The following POLA2 variants were observed in gnomAD, a reference collection of about 807,000 sequenced individuals.
POLA2 encodes DNA polymerase alpha subunit B.
POLA2 carries 47 observed loss-of-function variants against 82.8 expected under a neutral mutation model. The observed-to-expected ratio is 0.57, with a 90% CI of 0.45 to 0.72. The LOEUF (loss-of-function observed/expected upper bound fraction) is 0.72. POLA2 is among the 30% of genes least tolerant of loss of function. POLA2 has a pLI of 0.00. For missense variants in POLA2, 634 were observed against 728.1 expected, an observed-to-expected ratio of 0.87 and a Z score of 1.49; for synonymous variants, 287 against 286.8, an observed-to-expected ratio of 1.00 and a Z score of -0.01.
At position 65,274,758 on chromosome 11, in the gene POLA2, A is replaced by G. The variant is rs1225279880; in HGVS notation, c.355-1134A>G. On this transcript the variant is annotated intron_variant, in intron 4 of 17. Coordinates refer to ENST00000265465, the MANE Select transcript of POLA2 (RefSeq NM_002689.4). Reference sequence around the variant, plus strand: ...AGAGTGAAAAAATTCAGCACATAAAATACTTAGGTTTATATTTAAACTAAG... The same window carrying G: ...AGAGTGAAAAAATTCAGCACATAAAGTACTTAGGTTTATATTTAAACTAAG... Among the ~76,000 whole-genome samples the G allele has an allele frequency of 2.6e-5, 4 of 152,280 alleles. No homozygotes were observed. In the East Asian group the frequency reaches 7.7e-4, roughly 29 times the overall value.
Position 65,294,157 on chromosome 11 carries a change from G to A in POLA2, c.1249G>A (p.Gly417Ser), listed in dbSNP as rs976715615. The change falls in exon 14 of 18, where the codon GGC becomes AGC. Residue 417 changes from glycine (G) to serine (S), a missense_variant. Transcript: ENST00000265465. Reference protein sequence around the residue: ...RTIIEGTRSSGSHLVFVPSLR... With the variant: ...RTIIEGTRSSSSHLVFVPSLR... ...TTTGTTCTTTTGCCATACTAGCTCCGGCTCCCACCTTGTCTTTGTCCCGTC... is the reference window on the plus strand; with the variant it reads ...TTTGTTCTTTTGCCATACTAGCTCCAGCTCCCACCTTGTCTTTGTCCCGTC... The A allele has an allele frequency of 1.1e-5, 18 of 1,611,690 alleles. No individual in the cohort carries two copies. The Admixed American group carries it at 1.7e-4, about 15-fold the overall frequency.
At chr11:65,268,970 C>T (rs1949492506) in intron 4 of POLA2, among the ~76,000 whole-genome samples, 2 of 152,238 alleles carry the variant, frequency 1.3e-5, no homozygotes, top group South Asian at 2.1e-4. Context: ...CATAATTTCT[C>T]CATAATTGCC....
At chr11:65,276,767 C>T (rs1199080355) in intron 5 of POLA2, among the ~76,000 whole-genome samples, 1 of 151,106 alleles carries the variant, frequency 6.6e-6, no homozygotes, top group African/African-American at 2.4e-5. Flanking sequence ...TGAACCAGAG[C>T]TTAAGATTGT....
Position 65,284,618 on chromosome 11 carries a change from C to G in POLA2, c.1006+2097C>G, listed in dbSNP as rs965456320. On this transcript the variant is annotated intron_variant, in intron 10 of 17. Transcript: ENST00000265465. ...TCGGCTCACCGCAACCTCCACCTCC[C>G]GGGTTCAAGCGATTCTCCTGCCTTA... is the stretch of plus-strand genomic sequence containing the variant. 4.0e-5 allele frequency among the ~76,000 whole-genome samples: 6 copies of G among 151,898 alleles called. No individual in the cohort carries two copies. In the South Asian group the frequency reaches 1.0e-3, roughly 26 times the overall value.
chr11:65,283,374 A>G (rs962944056), intron 10 of POLA2, among the ~76,000 whole-genome samples: 4 of 152,204 alleles, frequency 2.6e-5, no homozygotes, highest in Non-Finnish European at 5.9e-5. Context: ...ACATGTTAAG[A>G]TTAGGGGCCA....
At chr11:65,303,557 A>G (rs1471930569), downstream of POLA2, among the ~76,000 whole-genome samples, 1 of 152,064 alleles carries the variant, frequency 6.6e-6, no homozygotes, top group East Asian at 1.9e-4. Flanking sequence ...GGGAATAGAC[A>G]TATACAAATG....
At chr11:65,281,649 C>G (rs1949642422) in intron 8 of POLA2, 21 bp from the exon 9 acceptor site, 4 of 1,591,238 alleles carry the variant, frequency 2.5e-6, no homozygotes, top group Non-Finnish European at 3.5e-6. Flanking sequence ...CTTAGCAATC[C>G]TGTTTGTTTT....
intron 3 of POLA2, among the ~76,000 whole-genome samples, chr11:65,268,072 C>T (rs934099806): frequency 3.0e-4 from 45 of 151,670 alleles, no homozygotes; most frequent in Admixed American, 4.6e-4. Context: ...GGATTACAGG[C>T]GTGAGTCACC....
At chr11:65,289,931 C>A in intron 13 of POLA2, 59 bp downstream of exon 13, 1 of 1,120,680 alleles carries the variant, frequency 8.9e-7, no homozygotes, top group Non-Finnish European at 1.3e-6. Flanking sequence ...CAGAGCTTCC[C>A]ATTAAGAAAC....
At chr11:65,279,858 C>CAGAG in intron 7 of POLA2, 1 of 459,266 alleles carries the variant, frequency 2.2e-6, no homozygotes, top group East Asian at 3.6e-5. Context: ...TGCACATAAG[C>CAGAG]AGAGACTCAA....
At chr11:65,266,446 A>G (rs1205734761) in intron 1 of POLA2, 136 bp from the exon 2 acceptor site, 2 of 843,020 alleles carry the variant, frequency 2.4e-6, no homozygotes, top group East Asian at 2.7e-5. Context: ...CTGTTTTCTC[A>G]TTGCCCAAAA....
downstream of POLA2, among the ~76,000 whole-genome samples, chr11:65,299,168 A>G (rs1248504808): frequency 3.9e-5 from 6 of 152,252 alleles, no homozygotes; most frequent in Non-Finnish European, 1.5e-5. Context: ...CGTGTCAGTG[A>G]CGGAGGGTGG....
intron 13 of POLA2, among the ~76,000 whole-genome samples, chr11:65,290,184 G>T (rs1448937172): frequency 6.7e-6 from 1 of 150,150 alleles, no homozygotes; most frequent in Non-Finnish European, 1.5e-5. Flanking sequence ...GGAGGCAGAG[G>T]TTGCAGTGAG....
Position 65,280,883 on chromosome 11 carries a change from A to G in POLA2, c.745-109A>G, listed in dbSNP as rs557134237. ...AGGGTCAAAGCAATGCCCTGCCAAG[A>G]AATGTATTTGTTGTTTGCAGTTTGT... On this transcript the variant is annotated intron_variant, in intron 7 of 17. Transcript: ENST00000265465. 6.4e-6 allele frequency: 7 copies of G among 1,090,508 alleles called. No homozygotes were observed. The South Asian group carries it at 1.0e-4, about 16-fold the overall frequency. 67.6% of individuals were successfully genotyped at this position (1,090,508 alleles called of 1,614,324 possible).
exon 9 of POLA2, chr11:65,305,492 G>A (rs879096887): frequency 1.6e-5 from 7 of 431,388 alleles, no homozygotes; most frequent in South Asian, 1.2e-4. Context: ...CTCCAAGAAG[G>A]ACAAGCTGAC....
intron 17 of POLA2, 177 bp downstream of exon 17, chr11:65,296,167 G>A (rs1197147583): frequency 3.0e-6 from 2 of 661,706 alleles, no homozygotes; most frequent in Admixed American, 2.3e-5. Flanking sequence ...AAACAACTCT[G>A]TCAGTAAAAT....
At position 65,266,564 on chromosome 11, in the gene POLA2, C is replaced by A; in HGVS notation, c.80-18C>A. 1 of 1,612,406 alleles carries A rather than the reference C, an allele frequency of 6.2e-7. No individual in the cohort carries two copies. Among genetic ancestry groups the A allele is most frequent in the Non-Finnish European group, 8.5e-7 (1 of 1,179,122 alleles). On this transcript the variant is annotated intron_variant, in intron 1 of 17. Transcript: ENST00000265465. Reference sequence around the variant, plus strand: ...GAAATGAACTAAGTTTTTACTTGTCCAATTTTCCTTTCTACAGTGGTAGAG... The same window carrying A: ...GAAATGAACTAAGTTTTTACTTGTCAAATTTTCCTTTCTACAGTGGTAGAG...
At chr11:65,271,837 T>TAA (rs1414232489) in intron 4 of POLA2, among the ~76,000 whole-genome samples, 1 of 107,450 alleles carries the variant, frequency 9.3e-6, no homozygotes, top group African/African-American at 4.1e-5. Flanking sequence ...AGACTCCGTC[T>TAA]GAAAAAAAAA....
intron 4 of POLA2, among the ~76,000 whole-genome samples, chr11:65,275,418 A>G (rs1480495962): frequency 1.3e-5 from 2 of 151,846 alleles, no homozygotes; most frequent in African/African-American, 2.4e-5. Flanking sequence ...CTAACTCTTC[A>G]AGTATGAGCT....
Sources: gnomAD v4.1 joint callset for allele counts (sites outside exome capture counted in the v4.1 genomes callset) on GRCh38, gnomAD v4.1.1 for gene constraint, MANE v1.5 for transcripts, NCBI Gene and HGNC (gene_info 2026-07-23, HGNC 2026-07-21) for gene names.